Variants in MAD1L1 observed in about 807,000 individuals in gnomAD.
MAD1L1 encodes the protein mitotic spindle assembly checkpoint protein MAD1.
Under a neutral mutation model 96.9 loss-of-function variants are expected in MAD1L1, and 95 were observed. The ratio of observed to expected loss-of-function variants is 0.98; its 90% CI spans 0.83 to 1.16. The LOEUF (loss-of-function observed/expected upper bound fraction) is 1.16. Among genes scored for constraint, MAD1L1 ranks in the 50% most tolerant of loss-of-function variants. The pLI is 0.00. For missense variants in MAD1L1, 1,007 were observed against 954.4 expected (o/e 1.06, Z -0.73); for synonymous variants, 473 against 396.6 (o/e 1.19, Z -2.29).
chr7:1,842,688 G>A (rs1018526549), intron 18 of MAD1L1, among the ~76,000 whole-genome samples: 1 of 152,246 alleles, frequency 6.6e-6, no homozygotes, highest in East Asian at 1.9e-4. Flanking sequence ...AGTAGCTACT[G>A]CCTGCAGCTG....
Position 2,142,368 on chromosome 7 carries a change from G to C in MAD1L1, c.1073+6784C>G, listed in dbSNP as rs1397415769. Among the ~76,000 whole-genome samples the C allele has an allele frequency of 2.0e-5, 3 of 152,232 alleles. No individual in the cohort carries two copies. The highest frequency in any genetic ancestry group is 4.4e-5 in the Non-Finnish European group (3 of 68,040). ...GGTGCAGGGCTGGGTTGGGGGCTGA[G>C]GCCTCTATGGCGCAGGTGCACTGTG... is the stretch of plus-strand genomic sequence containing the variant. On this transcript the variant is annotated intron_variant, in intron 11 of 18. Coordinates refer to ENST00000265854, the MANE Select transcript of MAD1L1 (RefSeq NM_001013836.2). This position sits in a 1 kb window ranked among gnomAD's most constrained non-coding sequence, Gnocchi z 4.7.
chr7:2,026,695 T>C (rs1783009834), intron 12 of MAD1L1, among the ~76,000 whole-genome samples: 1 of 152,156 alleles, frequency 6.6e-6, no homozygotes. Context: ...GAATAGCCCA[T>C]TGGTCAAAAT....
chr7:1,958,495 G>A (rs373990640), intron 15 of MAD1L1, among the ~76,000 whole-genome samples: 1 of 152,316 alleles, frequency 6.6e-6, no homozygotes, highest in African/African-American at 2.4e-5. Context: ...TCCAGCCTGA[G>A]AACTGCTCCA....
At chr7:1,907,754 T>A (rs13245479) in intron 17 of MAD1L1, among the ~76,000 whole-genome samples, 56,150 of 151,994 alleles carry the variant, frequency 0.37, 10,413 homozygotes, top group East Asian at 0.43. Flanking sequence ...TTCCTCTTAA[T>A]AAAACACATC....
chr7:1,861,126 C>T (rs1188619332), intron 18 of MAD1L1, among the ~76,000 whole-genome samples: 1 of 152,214 alleles, frequency 6.6e-6, no homozygotes, highest in East Asian at 1.9e-4. Flanking sequence ...GGACAACTGC[C>T]TCCATATTCA....
At chr7:2,227,297 A>G (rs1793951953) in intron 3 of MAD1L1, among the ~76,000 whole-genome samples, 1 of 152,166 alleles carries the variant, frequency 6.6e-6, no homozygotes, top group African/African-American at 2.4e-5. Context: ...CCCTATCTCC[A>G]AAAGAAAAAA....
intron 17 of MAD1L1, among the ~76,000 whole-genome samples, chr7:1,912,143 G>T (rs1381493277): frequency 6.6e-6 from 1 of 152,214 alleles, no homozygotes; most frequent in Non-Finnish European, 1.5e-5. Context: ...GGGTGGCAGG[G>T]GTCCAGATGG....
intron 10 of MAD1L1, among the ~76,000 whole-genome samples, chr7:2,168,600 C>A (rs1584472871): frequency 6.6e-6 from 1 of 152,238 alleles, no homozygotes; most frequent in East Asian, 1.9e-4. Flanking sequence ...AGACCTCATC[C>A]TGATCTGTGA....
chr7:2,125,956 A>G (rs1269732850), intron 11 of MAD1L1, among the ~76,000 whole-genome samples: 3 of 152,256 alleles, frequency 2.0e-5, no homozygotes, highest in Non-Finnish European at 2.9e-5. Context: ...TCACGTTTAC[A>G]GCGCCACAGG....
chr7:1,860,353 GGGGCGGCCTCTGTGTCCCTAGACT>G (rs1784481326), intron 18 of MAD1L1, among the ~76,000 whole-genome samples: 1 of 73,184 alleles, frequency 1.4e-5, no homozygotes, highest in African/African-American at 4.2e-5. Context: ...GACATCCTGC[GGGGCGGCCTCTGTGTCCCTAGACT>G]TGACATCCTG....
rs750598462 is a variant in MAD1L1 at position 1,897,836 on chromosome 7, A to G, written c.1998+364T>C. Among the ~76,000 whole-genome samples, 10 of 152,140 alleles carry G rather than the reference A, an allele frequency of 6.6e-5. No homozygotes were observed. In the East Asian group the frequency reaches 7.7e-4, roughly 12 times the overall value. The stretch of plus-strand genomic sequence containing the variant: ...GGAAGGCGTCCCCTGCCCCGGCCCC[A>G]CACGGACTTCAGTCCTCCCCAGGCA... On this transcript the variant is annotated intron_variant, in intron 18 of 18. Transcript: ENST00000265854.
chr7:2,108,387 T>TG (rs1787205463), intron 11 of MAD1L1, among the ~76,000 whole-genome samples: 1 of 152,226 alleles, frequency 6.6e-6, no homozygotes, highest in South Asian at 2.1e-4. Flanking sequence ...GAGAGGAAGA[T>TG]GAGTGGCTTT....
intron 7 of MAD1L1, among the ~76,000 whole-genome samples, chr7:2,216,743 G>C (rs1226828360): frequency 6.6e-6 from 1 of 152,094 alleles, no homozygotes. Flanking sequence ...ATTTTGCTGT[G>C]AACCTAAAAT....
intron 15 of MAD1L1, among the ~76,000 whole-genome samples, chr7:1,977,456 G>A (rs984036637): frequency 6.6e-6 from 1 of 152,210 alleles, no homozygotes; most frequent in Non-Finnish European, 1.5e-5. Flanking sequence ...GCACTGGCCT[G>A]TGAGCACCAC....
At chr7:1,920,213 C>G (rs1788692054) in intron 17 of MAD1L1, among the ~76,000 whole-genome samples, 1 of 152,248 alleles carries the variant, frequency 6.6e-6, no homozygotes, top group African/African-American at 2.4e-5. Flanking sequence ...CGTGAGCCAA[C>G]TCCCTGTAAC....
chr7:1,968,091 C>T lies in MAD1L1; in HGVS notation c.1506-10372G>A, dbSNP rs1780246201. On this transcript the variant is annotated intron_variant, in intron 15 of 18. Coordinates refer to ENST00000265854, the MANE Select transcript of MAD1L1 (RefSeq NM_001013836.2). This position sits in a 1 kb window ranked among gnomAD's most constrained non-coding sequence, Gnocchi z 5.6. Reference sequence around the variant, plus strand: ...CCACATCATACATGTAGAACTCATCCCTCCAGAGGGGGAGCGTCGCCTGTG... The same window carrying T: ...CCACATCATACATGTAGAACTCATCTCTCCAGAGGGGGAGCGTCGCCTGTG... Among the ~76,000 whole-genome samples the T allele has an allele frequency of 6.6e-6, 1 of 152,262 alleles. No homozygotes were observed. The highest frequency in any genetic ancestry group is 6.5e-5 in the Admixed American group (1 of 15,292).
chr7:1,949,756 G>T (rs1327987170), intron 16 of MAD1L1, among the ~76,000 whole-genome samples: 1 of 152,246 alleles, frequency 6.6e-6, no homozygotes, highest in South Asian at 2.1e-4. Context: ...TGCAGCAGCG[G>T]CTGCTTGGGG....
At chr7:2,224,715 C>A (rs1346279450) in intron 4 of MAD1L1, among the ~76,000 whole-genome samples, 2 of 152,198 alleles carry the variant, frequency 1.3e-5, no homozygotes, top group Non-Finnish European at 2.9e-5. Context: ...CTGATCAGCA[C>A]TGACTGAAAC....
chr7:2,012,839 C>T (rs1321426014), intron 13 of MAD1L1, among the ~76,000 whole-genome samples: 3 of 152,194 alleles, frequency 2.0e-5, no homozygotes, highest in Admixed American at 1.3e-4. Flanking sequence ...CTGTCATTCT[C>T]GCCAAGTGCC....
Sources: allele counts gnomAD v4.1 joint callset (sites outside exome capture counted in the v4.1 genomes callset), GRCh38; gene constraint gnomAD v4.1.1; non-coding constraint Gnocchi (gnomAD v3.1); transcripts MANE v1.5; gene names NCBI Gene and HGNC (gene_info 2026-07-23, HGNC 2026-07-21).